The following IGF2BP3 variants were observed in gnomAD, a reference collection of about 807,000 sequenced individuals.
The protein encoded by IGF2BP3 is insulin-like growth factor 2 mRNA-binding protein 3.
A neutral mutation model predicts 73.8 loss-of-function variants in IGF2BP3; 9 were observed. The observed-to-expected ratio is 0.12, with a 90% CI of 0.07 to 0.21. The LOEUF (loss-of-function observed/expected upper bound fraction) is 0.21, where lower values mean the gene tolerates loss of function less well. Ranked by LOEUF, IGF2BP3 falls within the 10% of genes least tolerant of loss-of-function variation. The pLI is 1.00. For missense variants in IGF2BP3, 542 were observed against 714.0 expected (o/e 0.76, Z 2.75); for synonymous variants, 258 against 256.7 (o/e 1.01, Z -0.05).
intron 10 of IGF2BP3, among the ~76,000 whole-genome samples, chr7:23,341,529 G>A (rs1322087672): frequency 6.6e-6 from 1 of 152,118 alleles, no homozygotes; most frequent in Non-Finnish European, 1.5e-5. Flanking sequence ...GTAGCCGGGT[G>A]TGGTGTGGCA....
At chr7:23,397,298 A>G (rs1786507637) in intron 3 of IGF2BP3, among the ~76,000 whole-genome samples, 1 of 152,234 alleles carries the variant, frequency 6.6e-6, no homozygotes, top group African/African-American at 2.4e-5. Context: ...GGCTTCTAAG[A>G]AGAGGCAGAA....
At chr7:23,398,407 T>C (rs1056931137) in intron 3 of IGF2BP3, among the ~76,000 whole-genome samples, 1 of 152,328 alleles carries the variant, frequency 6.6e-6, no homozygotes, top group East Asian at 1.9e-4. Flanking sequence ...GCATGATTTA[T>C]AATCCTTTGG....
rs1554307857 is a variant in IGF2BP3 at position 23,312,187 on chromosome 7, A to C, written c.*175T>G. 2 of 578,030 alleles carry C rather than the reference A, an allele frequency of 3.5e-6. No individual in the cohort carries two copies. The allele number at this position is 578,030 out of a possible 1,614,324, so 35.8% of individuals were successfully genotyped here. ...GGGTGTCATACATTTCAGAGAGCATAAAGTATACATTCTCACAGAGACAGG... is the reference window on the plus strand; with the variant it reads ...GGGTGTCATACATTTCAGAGAGCATCAAGTATACATTCTCACAGAGACAGG... On this transcript the variant is annotated 3_prime_UTR_variant, in exon 15 of 15. Transcript: ENST00000258729.
At chr7:23,426,920 T>C (rs967599930) in intron 2 of IGF2BP3, among the ~76,000 whole-genome samples, 2 of 152,222 alleles carry the variant, frequency 1.3e-5, no homozygotes, top group Non-Finnish European at 1.5e-5. Context: ...AAAGAACAAG[T>C]GTCCCTCATC....
intron 10 of IGF2BP3, among the ~76,000 whole-genome samples, chr7:23,320,959 AAAAAAAAAAAG>A: frequency 1.3e-5 from 2 of 151,110 alleles, no homozygotes; most frequent in East Asian, 2.0e-4. Flanking sequence ...AAAAAAAAAA[AAAAAAAAAAAG>A]AAAAAACAAA....
intron 2 of IGF2BP3, among the ~76,000 whole-genome samples, chr7:23,451,175 T>C (rs1788187692): frequency 6.6e-6 from 1 of 152,134 alleles, no homozygotes; most frequent in Non-Finnish European, 1.5e-5. Flanking sequence ...CCCAGTACTT[T>C]GGGAGGCTGA....
At chr7:23,426,346 G>A (rs560018470) in intron 2 of IGF2BP3, among the ~76,000 whole-genome samples, 1 of 127,268 alleles carries the variant, frequency 7.9e-6, no homozygotes, top group African/African-American at 2.9e-5. Context: ...AAAAAGGGGG[G>A]TGGGGCCAAA....
At chr7:23,359,571 G>C (rs1785174336) in intron 5 of IGF2BP3, among the ~76,000 whole-genome samples, 1 of 152,136 alleles carries the variant, frequency 6.6e-6, no homozygotes, top group Admixed American at 6.6e-5. Flanking sequence ...ACATGGCCGG[G>C]TGCAGCGGCT....
At chr7:23,419,323 TAAACCACAG>T (rs1053606580) in intron 2 of IGF2BP3, among the ~76,000 whole-genome samples, 1 of 152,240 alleles carries the variant, frequency 6.6e-6, no homozygotes, top group Non-Finnish European at 1.5e-5. Context: ...ATGCTGGCAC[TAAACCACAG>T]AATTACAGTA....
intron 10 of IGF2BP3, among the ~76,000 whole-genome samples, chr7:23,337,510 T>C (rs138927530): frequency 3.3e-5 from 5 of 152,330 alleles, no homozygotes; most frequent in Admixed American, 2.0e-4. Flanking sequence ...GTCCCCAACA[T>C]GTATTTTCCT....
intron 10 of IGF2BP3, among the ~76,000 whole-genome samples, chr7:23,322,678 C>T (rs1042582818): frequency 1.2e-4 from 19 of 152,136 alleles, no homozygotes; most frequent in Non-Finnish European, 1.6e-4. Context: ...AGAGAAAGGT[C>T]GGGTTACCCA....
At chr7:23,315,263 A>G (rs866270848) in intron 12 of IGF2BP3, among the ~76,000 whole-genome samples, 2 of 151,520 alleles carry the variant, frequency 1.3e-5, no homozygotes, top group South Asian at 4.2e-4. Context: ...ATCCACCACC[A>G]TGCCTGGCTA....
At chr7:23,448,224 G>A (rs1788109920) in intron 2 of IGF2BP3, among the ~76,000 whole-genome samples, 1 of 152,086 alleles carries the variant, frequency 6.6e-6, no homozygotes, top group South Asian at 2.1e-4. Flanking sequence ...TAAAGTTTTA[G>A]GAATAACAGA....
intron 6 of IGF2BP3, among the ~76,000 whole-genome samples, chr7:23,351,071 T>C (rs1463407292): frequency 6.6e-6 from 1 of 152,152 alleles, no homozygotes; most frequent in Non-Finnish European, 1.5e-5. Flanking sequence ...TTAGGTATCA[T>C]TTGTTTTCCA....
intron 3 of IGF2BP3, among the ~76,000 whole-genome samples, chr7:23,410,975 G>GCACA (rs1786999006): frequency 6.6e-6 from 1 of 152,134 alleles, no homozygotes; most frequent in South Asian, 2.1e-4. Context: ...TGTTAATTCA[G>GCACA]TACCCGGCAC....
intron 3 of IGF2BP3, among the ~76,000 whole-genome samples, chr7:23,368,343 A>AAAATAAAG (rs1554321061): frequency 7.3e-6 from 1 of 137,924 alleles, no homozygotes; most frequent in Non-Finnish European, 1.5e-5. Flanking sequence ...AAGAAAGAAA[A>AAAATAAAG]AAAGAAAGAA....
At chr7:23,350,287 T>TG (rs1461439539) in intron 6 of IGF2BP3, among the ~76,000 whole-genome samples, 2 of 150,386 alleles carry the variant, frequency 1.3e-5, no homozygotes, top group Non-Finnish European at 2.9e-5. Flanking sequence ...TGGATCACAC[T>TG]GAAAAAAAAG....
At chr7:23,338,141 T>C (rs767128196) in intron 10 of IGF2BP3, among the ~76,000 whole-genome samples, 4 of 152,150 alleles carry the variant, frequency 2.6e-5, no homozygotes, top group Non-Finnish European at 4.4e-5. Context: ...GTTTTTGGCA[T>C]GATATTTCCT....
chr7:23,470,363 T>C lies in IGF2BP3; in HGVS notation c.-253A>G. 3.5e-6 allele frequency: 1 copy of C among 282,130 alleles called. No individual in the cohort carries two copies. The highest frequency in any genetic ancestry group is 6.6e-6 in the Non-Finnish European group (1 of 152,406). 17.5% of individuals were successfully genotyped at this position (282,130 alleles called of 1,614,324 possible). On this transcript the variant is annotated 5_prime_UTR_variant, in exon 1 of 15. Transcript: ENST00000258729. ...GCTACAACCCAAACGCATCCACCAG[T>C]CTTCCTAAGTCTTAGGAGGAGGCGG...
Sources: allele counts gnomAD v4.1 joint callset (sites outside exome capture counted in the v4.1 genomes callset), GRCh38; gene constraint gnomAD v4.1.1; transcripts MANE v1.5; gene names NCBI Gene and HGNC (gene_info 2026-07-23, HGNC 2026-07-21).